FOXN3: variants seen among roughly 807,000 people sequenced by gnomAD.
FOXN3 encodes the protein forkhead box protein N3.
A neutral mutation model predicts 38.4 loss-of-function variants in FOXN3; 7 were observed. The observed-to-expected ratio is 0.18, with a 90% CI of 0.10 to 0.34. The LOEUF (loss-of-function observed/expected upper bound fraction) is 0.34, where lower values mean the gene tolerates loss of function less well. FOXN3 is among the 10% of genes least tolerant of loss of function. The pLI, the probability that FOXN3 is intolerant of heterozygous loss-of-function variation, is 1.00. For missense variants in FOXN3, 456 were observed against 613.4 expected, an observed-to-expected ratio of 0.74 and a Z score of 2.71; for synonymous variants, 230 against 242.2, an observed-to-expected ratio of 0.95 and a Z score of 0.47.
chr14:89,502,061 G>C (rs547890445), intron 1 of FOXN3, among the ~76,000 whole-genome samples: 43 of 152,190 alleles, frequency 2.8e-4, no homozygotes, highest in African/African-American at 7.5e-4. Context: ...CCAGCTACGC[G>C]GGAGGCCTAA....
At chr14:89,611,181 A>G (rs1245024318) in intron 1 of FOXN3, among the ~76,000 whole-genome samples, 3 of 152,216 alleles carry the variant, frequency 2.0e-5, no homozygotes, top group African/African-American at 7.2e-5. Context: ...GTCTCTGTAG[A>G]CTTTATATGA....
At chr14:89,224,220 G>A (rs1048663729) in intron 4 of FOXN3, among the ~76,000 whole-genome samples, 3 of 152,316 alleles carry the variant, frequency 2.0e-5, no homozygotes, top group South Asian at 2.1e-4. Context: ...AGGCAATTGA[G>A]TACTTATAAA....
At chr14:89,436,203 T>C (rs1892272791) in intron 1 of FOXN3, among the ~76,000 whole-genome samples, 1 of 151,158 alleles carries the variant, frequency 6.6e-6, no homozygotes, top group African/African-American at 2.4e-5. Flanking sequence ...TGCCCTGACT[T>C]ATCATTATAA....
chr14:89,523,699 CAT>C (rs1289753390), intron 1 of FOXN3, among the ~76,000 whole-genome samples: 1 of 152,126 alleles, frequency 6.6e-6, no homozygotes, highest in Admixed American at 6.5e-5. Flanking sequence ...CTAAAGCAGA[CAT>C]AGAGGAAATT....
chr14:89,497,903 A>C (rs1893718414), intron 1 of FOXN3, among the ~76,000 whole-genome samples: 1 of 145,572 alleles, frequency 6.9e-6, no homozygotes, highest in Non-Finnish European at 1.5e-5. Flanking sequence ...CACACTTGTT[A>C]TTTCCTGTTT....
chr14:89,172,260 G>A (rs1887409046), intron 5 of FOXN3, among the ~76,000 whole-genome samples: 1 of 152,116 alleles, frequency 6.6e-6, no homozygotes, highest in African/African-American at 2.4e-5. Context: ...CAAAAAGGAG[G>A]TTTTGTTGTT....
At chr14:89,319,968 G>A (rs1887850832) in intron 3 of FOXN3, among the ~76,000 whole-genome samples, 2 of 152,346 alleles carry the variant, frequency 1.3e-5, no homozygotes, top group South Asian at 4.1e-4. Context: ...GCTCAAGGAT[G>A]ACGCTTTGCA....
intron 1 of FOXN3, among the ~76,000 whole-genome samples, chr14:89,585,782 G>C (rs962530343): frequency 6.6e-6 from 1 of 150,956 alleles, no homozygotes; most frequent in African/African-American, 2.4e-5. Context: ...AGAAAGGAAG[G>C]AAGAAAGAAA....
intron 1 of FOXN3, among the ~76,000 whole-genome samples, chr14:89,614,837 T>C (rs1457939795): frequency 6.6e-6 from 1 of 152,174 alleles, no homozygotes; most frequent in Non-Finnish European, 1.5e-5. Flanking sequence ...GTGCAAACCA[T>C]TGCAAGAAAT....
intron 3 of FOXN3, among the ~76,000 whole-genome samples, chr14:89,315,120 G>A (rs920830456): frequency 6.6e-6 from 1 of 151,886 alleles, no homozygotes; most frequent in Non-Finnish European, 1.5e-5. Flanking sequence ...CAAAGAGAAG[G>A]GGGTGATAAA....
In FOXN3 at chr14:89,484,510, C is replaced by T. The variant is rs1893405381; in HGVS notation, c.-14-72020G>A. ...TTATTCTTTTAATTTTTCCCAACCACTGAAAAATGTGAAAACCATTCTTAG... is the reference window on the plus strand; with the variant it reads ...TTATTCTTTTAATTTTTCCCAACCATTGAAAAATGTGAAAACCATTCTTAG... On this transcript the variant is annotated intron_variant, in intron 1 of 6. Coordinates refer to the FOXN3 transcript ENST00000345097. The surrounding 1 kb of genome is among the most constrained non-coding windows in gnomAD (Gnocchi z 4.0). Among the ~76,000 whole-genome samples the T allele has an allele frequency of 6.6e-6, 1 of 152,240 alleles. No individual in the cohort carries two copies. Among genetic ancestry groups the T allele is most frequent in the African/African-American group, 2.4e-5 (1 of 41,456 alleles).
intron 4 of FOXN3, among the ~76,000 whole-genome samples, chr14:89,245,382 G>A (rs1219472505): frequency 6.6e-6 from 1 of 151,810 alleles, no homozygotes; most frequent in African/African-American, 2.4e-5. Flanking sequence ...CCAAGAGTAA[G>A]AAATGTTTCT....
At chr14:89,553,521 T>G (rs1895053149) in intron 1 of FOXN3, among the ~76,000 whole-genome samples, 1 of 151,860 alleles carries the variant, frequency 6.6e-6, no homozygotes, top group African/African-American at 2.4e-5. Context: ...AATACTAACT[T>G]TTAATTCCTG....
In FOXN3 at chr14:89,372,518, GA is replaced by G. The variant is rs1205713011; in HGVS notation, c.544-21711del. On this transcript the variant is annotated intron_variant, in intron 2 of 5. Coordinates refer to ENST00000557258, the MANE Select transcript of FOXN3 (RefSeq NM_005197.4). ...CTTACCTGAGCCACTATATAGAGTT[GA>G]TATTAACTACATTTATTATAACAGG... 3.3e-5 allele frequency among the ~76,000 whole-genome samples: 5 copies of G among 152,234 alleles called. No individual in the cohort carries two copies. In the East Asian group the frequency reaches 9.6e-4, roughly 29 times the overall value.
chr14:89,392,533 T>C (rs995048990), intron 2 of FOXN3, among the ~76,000 whole-genome samples: 1 of 152,042 alleles, frequency 6.6e-6, no homozygotes, highest in Non-Finnish European at 1.5e-5. Context: ...CCCTCTCTGG[T>C]GATGTCAGAA....
chr14:89,541,567 T>C (rs971428025), intron 1 of FOXN3, among the ~76,000 whole-genome samples: 1 of 152,220 alleles, frequency 6.6e-6, no homozygotes, highest in African/African-American at 2.4e-5. Context: ...TTGTTTAGCA[T>C]ATCATCAAGA....
chr14:89,271,621 C>T (rs1012097258), intron 4 of FOXN3, among the ~76,000 whole-genome samples: 1 of 152,168 alleles, frequency 6.6e-6, no homozygotes, highest in Admixed American at 6.5e-5. Flanking sequence ...GTTCCTCTCA[C>T]TGTGTTAATC....
intron 3 of FOXN3, among the ~76,000 whole-genome samples, chr14:89,303,464 T>A (rs1211575236): frequency 6.8e-6 from 1 of 147,576 alleles, no homozygotes; most frequent in African/African-American, 2.5e-5. Context: ...CCCCAGGAGC[T>A]GGCATGGAGT....
At chr14:89,292,039 C>A (rs918313139) in intron 3 of FOXN3, among the ~76,000 whole-genome samples, 1 of 152,188 alleles carries the variant, frequency 6.6e-6, no homozygotes, top group East Asian at 1.9e-4. Context: ...CCAAACCTCC[C>A]GCTCCATCTT....
Sources: gnomAD v4.1 joint callset for allele counts (sites outside exome capture counted in the v4.1 genomes callset) on GRCh38, gnomAD v4.1.1 for gene constraint, Gnocchi (gnomAD v3.1) non-coding constraint, MANE v1.5 for transcripts, NCBI Gene and HGNC (gene_info 2026-07-23, HGNC 2026-07-21) for gene names.